The following HPS4 variants were observed in gnomAD, a reference collection of about 807,000 sequenced individuals.
HPS4 encodes the protein HPS4 biogenesis of lysosomal organelles complex 3 subunit 2, also known as BLOC-3 complex member HPS4.
Under a neutral mutation model 70.3 loss-of-function variants are expected in HPS4, and 44 were observed. The ratio of observed to expected loss-of-function variants is 0.63; its 90% CI spans 0.49 to 0.80. The LOEUF (loss-of-function observed/expected upper bound fraction) is 0.80. Among genes scored for constraint, HPS4 ranks in the 30% least tolerant of loss-of-function variants. The pLI is 0.00. For missense variants in HPS4, 873 were observed against 884.4 expected, an observed-to-expected ratio of 0.99 and a Z score of 0.16; for synonymous variants, 377 against 355.9, an observed-to-expected ratio of 1.06 and a Z score of -0.67.
In HPS4 at chr22:26,466,228, T is replaced by C. The variant is rs150166679; in HGVS notation, c.704A>G (p.His235Arg). ...LPTGEDAPQEHGAALPPNVQI... is the reference protein window; with the variant it reads ...LPTGEDAPQERGAALPPNVQI... ...CAACCATGCGCCTCACTACTTACCA[T>C]GTTCCTGCGGGGCATCCTCTCCCGT... The change falls in exon 9 of 14, where the codon CAT (histidine) becomes CGT (arginine). Residue 235 changes from histidine to arginine, a missense_variant and splice_region_variant. Transcript: ENST00000398145. 672 of 1,614,206 alleles carry C rather than the reference T, an allele frequency of 4.2e-4. 1 individual carries two copies. The highest frequency in any genetic ancestry group is 2.6e-3 in the Middle Eastern group (16 of 6,062).
Position 26,458,516 on chromosome 22 carries a change from C to T in HPS4, c.1775G>A (p.Arg592Lys). Residue 592 changes from arginine to lysine, a missense_variant, in exon 12 of 14, where the codon AGG becomes AAG. Physicochemically the swap from Arg to Lys is conservative, Grantham distance 26. Transcript: ENST00000398145. ...GCTGCTCGTGGAGGCTGCCTCATCCCTGGGCAGCGTCTCTTTCAGGTGGAC... is the reference window on the plus strand; with the variant it reads ...GCTGCTCGTGGAGGCTGCCTCATCCTTGGGCAGCGTCTCTTTCAGGTGGAC... ...LEVHLKETLP[R>K]DEAASTSSTY... 6.2e-7 allele frequency: 1 copy of T among 1,614,096 alleles called. No individual in the cohort carries two copies. Among genetic ancestry groups the T allele is most frequent in the South Asian group, 1.1e-5 (1 of 91,088 alleles).
chr22:26,464,854 G>A, intron 10 of HPS4, 28 bp from the exon 11 acceptor site: 1 of 1,571,036 alleles, frequency 6.4e-7, no homozygotes, highest in Non-Finnish European at 8.6e-7. Flanking sequence ...TGTAAGGAAG[G>A]GGCACGTTGA....
Position 26,468,410 on chromosome 22 carries a change from G to C in HPS4, c.669+141C>G, listed in dbSNP as rs2089124275. 3.7e-5 allele frequency: 27 copies of C among 738,150 alleles called. No homozygotes were observed. In the South Asian group the frequency reaches 3.7e-4, roughly 10 times the overall value. The allele number at this position is 738,150 out of a possible 1,614,324, so 45.7% of individuals were successfully genotyped here. ...CAATGGCTTCACTACTGAGGAGAATGACATTGGAGGACTTGGGGTCCTGAC... is the reference window on the plus strand; with the variant it reads ...CAATGGCTTCACTACTGAGGAGAATCACATTGGAGGACTTGGGGTCCTGAC... On this transcript the variant is annotated intron_variant, in intron 8 of 13. Transcript: ENST00000398145.
chr22:26,455,076 G>A (rs2085859503), intron 13 of HPS4, among the ~76,000 whole-genome samples: 1 of 152,074 alleles, frequency 6.6e-6, no homozygotes, highest in Non-Finnish European at 1.5e-5. Context: ...AAAAAGTCAG[G>A]AAACAACAGG....
downstream of HPS4, among the ~76,000 whole-genome samples, chr22:26,447,072 T>G (rs575993665): frequency 6.6e-6 from 1 of 152,330 alleles, no homozygotes; most frequent in South Asian, 2.1e-4. Context: ...ATGAGCCTCT[T>G]GCAAGACCAT....
intron 6 of HPS4, chr22:26,471,304 T>C (rs1322238892): frequency 4.4e-6 from 2 of 453,176 alleles, no homozygotes; most frequent in Middle Eastern, 6.6e-4. Flanking sequence ...TTCCATCACA[T>C]AAAATGAAAA....
chr22:26,457,984 C>A lies in HPS4; in HGVS notation c.1847-17G>T, dbSNP rs1181088226. 7.5e-6 allele frequency: 12 copies of A among 1,599,098 alleles called. No individual in the cohort carries two copies. The South Asian group carries it at 1.2e-4, about 16-fold the overall frequency. ...GCAGGTTTGCTTCCAGAAGAGGACA[C>A]AGAGTTGTGAAGAGCAGACAGTTAC... On this transcript the variant is annotated splice_polypyrimidine_tract_variant and intron_variant, in intron 12 of 13. Transcript: ENST00000398145.
At chr22:26,470,034 G>A (rs1480435961) in intron 7 of HPS4, among the ~76,000 whole-genome samples, 1 of 152,258 alleles carries the variant, frequency 6.6e-6, no homozygotes, top group East Asian at 1.9e-4. Flanking sequence ...GGGCCCCTGC[G>A]AGAGCCTCAG....
In HPS4 at chr22:26,464,399, T is replaced by A; in HGVS notation, c.1231A>T (p.Ser411Cys). ...YCKASLSASS[S>C]LEPTPPEDTA... is the part of the protein sequence containing the mutation. ...TCCTCAGGAGGCGTGGGTTCCAGGC[T>A]GCTGGAGGCGCTGAGAGATGCCTTG... is the stretch of plus-strand genomic sequence containing the variant. The change falls in exon 11 of 14, where the codon AGC (serine) becomes TGC (cysteine). Residue 411 changes from serine (S) to cysteine (C), a missense_variant. Ser to Cys is a moderately radical substitution (Grantham distance 112). Coordinates refer to ENST00000398145, the MANE Select transcript of HPS4 (RefSeq NM_022081.6). The A allele has an allele frequency of 6.2e-7, 1 of 1,614,196 alleles. No homozygotes were observed. The highest frequency in any genetic ancestry group is 8.5e-7 in the Non-Finnish European group (1 of 1,180,032).
chr22:26,483,818 C>T (rs1348691805), upstream of HPS4: 10 of 1,223,760 alleles, frequency 8.2e-6, no homozygotes, highest in Middle Eastern at 3.0e-4. Flanking sequence ...CTACCTCCCC[C>T]TCCAGCTCCT....
chr22:26,479,196 T>A, intron 3 of HPS4, 69 bp downstream of exon 3: 1 of 1,489,520 alleles, frequency 6.7e-7, no homozygotes, highest in Non-Finnish European at 9.4e-7. Context: ...GTAAACCCCA[T>A]ACTTTTGAAA....
chr22:26,447,703 G>C (rs1298900443), downstream of HPS4, among the ~76,000 whole-genome samples: 1 of 152,046 alleles, frequency 6.6e-6, no homozygotes, highest in Admixed American at 6.6e-5. Flanking sequence ...ACAGAATAAG[G>C]CCACATATTT....
chr22:26,458,684 C>T (rs765120573), intron 11 of HPS4, 107 bp from the exon 12 acceptor site: 23 of 1,319,552 alleles, frequency 1.7e-5, no homozygotes, highest in Non-Finnish European at 2.1e-5. Context: ...CAGCCAGGCA[C>T]GGTGGCTCAC....
At chr22:26,447,936 C>A (rs2085009934), downstream of HPS4, among the ~76,000 whole-genome samples, 1 of 152,194 alleles carries the variant, frequency 6.6e-6, no homozygotes, top group Non-Finnish European at 1.5e-5. Flanking sequence ...GCATGGAGAG[C>A]ACTGTGCACC....
downstream of HPS4, among the ~76,000 whole-genome samples, chr22:26,449,012 G>A (rs900781490): frequency 6.6e-6 from 1 of 152,164 alleles, no homozygotes; most frequent in African/African-American, 2.4e-5. Flanking sequence ...GGTTGGGAGA[G>A]GAGTGTGTGT....
intron 5 of HPS4, 118 bp downstream of exon 5, chr22:26,472,714 C>A: frequency 1.1e-6 from 1 of 871,578 alleles, no homozygotes; most frequent in South Asian, 1.3e-5. Context: ...CTGACCTTGT[C>A]CCCAGACACA....
chr22:26,468,706 G>T, intron 7 of HPS4, 83 bp from the exon 8 acceptor site: 2 of 1,265,422 alleles, frequency 1.6e-6, no homozygotes, highest in Non-Finnish European at 2.3e-6. Flanking sequence ...CTAACAGCCC[G>T]TGTTGACGAG....
At chr22:26,479,379 CAT>C (rs764029655) in intron 2 of HPS4, 24 bp from the exon 3 acceptor site, 2 of 1,612,702 alleles carry the variant, frequency 1.2e-6, no homozygotes, top group Non-Finnish European at 1.7e-6. Context: ...AGAGTGGAGC[CAT>C]GTTTCCTTTA....
At chr22:26,456,075 T>C (rs1336725638) in intron 13 of HPS4, among the ~76,000 whole-genome samples, 1 of 152,190 alleles carries the variant, frequency 6.6e-6, no homozygotes, top group African/African-American at 2.4e-5. Context: ...GAATATTGGC[T>C]GGAGACGCTG....
Sources: allele counts gnomAD v4.1 joint callset (sites outside exome capture counted in the v4.1 genomes callset), GRCh38; gene constraint gnomAD v4.1.1; transcripts MANE v1.5; gene names NCBI Gene and HGNC (gene_info 2026-07-23, HGNC 2026-07-21).